The following SYNC variants were observed in gnomAD, a reference collection of about 807,000 sequenced individuals.
The protein encoded by SYNC is syncoilin, intermediate filament protein, also known as syncoilin.
In SYNC, 38 loss-of-function variants were observed where a neutral mutation model predicts 49.5. The observed-to-expected ratio is 0.77, with a 90% CI of 0.59 to 1.01. The LOEUF is 1.01. Ranked by LOEUF, SYNC falls within the 50% of genes least tolerant of loss-of-function variation. The probability of loss-of-function intolerance (pLI) is 0.00; values close to 1 mark genes in which losing one functional copy is unlikely to be tolerated. For synonymous variants in SYNC, 201 were observed against 230.8 expected (o/e 0.87, Z 1.17); for missense variants, 579 against 580.6 (o/e 1.00, Z 0.03).
chr1:32,685,255 A>T (rs990666030), intron 2 of SYNC: 2 of 152,190 alleles, frequency 1.3e-5, no homozygotes, highest in African/African-American at 4.8e-5. Flanking sequence ...TAACTTTCTC[A>T]TTCTTCCAGA....
chr1:32,684,395 G>A lies in SYNC; in HGVS notation c.1234-13C>T. 1 of 1,613,988 alleles carries A rather than the reference G, an allele frequency of 6.2e-7. No individual in the cohort carries two copies. Among genetic ancestry groups the A allele is most frequent in the Non-Finnish European group, 8.5e-7 (1 of 1,179,984 alleles). Reference sequence around the variant, plus strand: ...CCTCCAGCTGTTCCTGCATGAGATGGCCAAGAACATTTCTAATGAGCCAAA... The same window carrying A: ...CCTCCAGCTGTTCCTGCATGAGATGACCAAGAACATTTCTAATGAGCCAAA... On this transcript the variant is annotated splice_polypyrimidine_tract_variant and intron_variant, in intron 2 of 4. Transcript: ENST00000409190.
intron 2 of SYNC, 61 bp from the exon 3 acceptor site, chr1:32,684,443 C>T (rs188459947): frequency 6.2e-7 from 1 of 1,608,028 alleles, no homozygotes; most frequent in East Asian, 2.2e-5. Flanking sequence ...ACATTGTCCA[C>T]TCTTACTTAT....
intron 2 of SYNC, among the ~76,000 whole-genome samples, chr1:32,690,966 C>T (rs745469915): frequency 3.1e-4 from 47 of 152,150 alleles, no homozygotes; most frequent in Admixed American, 1.8e-3. Flanking sequence ...CACCTATAAT[C>T]CCAGTACTTT....
intron 2 of SYNC, among the ~76,000 whole-genome samples, chr1:32,689,939 CAAA>C (rs11320062): frequency 2.4e-4 from 24 of 100,608 alleles, no homozygotes; most frequent in South Asian, 3.2e-4. Context: ...GACACCGTCA[CAAA>C]AAAAAAAAAA....
chr1:32,681,553 T>G lies in SYNC; in HGVS notation c.*297A>C. On this transcript the variant is annotated 3_prime_UTR_variant, in exon 5 of 5. Coordinates refer to ENST00000409190, the MANE Select transcript of SYNC (RefSeq NM_030786.3). Reference sequence around the variant, plus strand: ...ATACATTCATCCTTCACTCAGTGCATATGTGAGGGTTGTTGCTGGAAGACA... The same window carrying G: ...ATACATTCATCCTTCACTCAGTGCAGATGTGAGGGTTGTTGCTGGAAGACA... The G allele has an allele frequency of 3.8e-6, 2 of 532,972 alleles. No individual in the cohort carries two copies. Among genetic ancestry groups the G allele is most frequent in the Non-Finnish European group, 6.7e-6 (2 of 298,032 alleles). The allele number at this position is 532,972 out of a possible 1,614,324, so 33.0% of individuals were successfully genotyped here.
At chr1:32,689,988 A>G (rs1166639394) in intron 2 of SYNC, among the ~76,000 whole-genome samples, 1 of 151,746 alleles carries the variant, frequency 6.6e-6, no homozygotes, top group Non-Finnish European at 1.5e-5. Context: ...TTTAGCAAAC[A>G]GTTTAGGAAG....
At position 32,681,756 on chromosome 1, in the gene SYNC, T is replaced by G. The variant is rs6659926; in HGVS notation, c.*94A>C. 2.9e-3 allele frequency: 4,624 copies of G among 1,607,186 alleles called. 33 individuals are homozygous for G. The highest frequency in any genetic ancestry group is 0.027 in the Middle Eastern group (163 of 6,048). On this transcript the variant is annotated 3_prime_UTR_variant, in exon 5 of 5. Transcript: ENST00000409190. ...TTGCTTGCCAAGTTTCTGGCACTCT[T>G]GTCTGGTTGGAAGAGTACATCCAAA...
chr1:32,684,899 T>C (rs1163576347), intron 2 of SYNC: 1 of 153,490 alleles, frequency 6.5e-6, no homozygotes, highest in Admixed American at 6.5e-5. Context: ...GGAAAAGTTT[T>C]TGTGTCCAAA....
chr1:32,689,180 C>A lies in SYNC; in HGVS notation c.1234-4798G>T, dbSNP rs575291106. 3.3e-3 allele frequency among the ~76,000 whole-genome samples: 482 copies of A among 147,842 alleles called. 3 individuals are homozygous for A. Among genetic ancestry groups the A allele is most frequent in the Non-Finnish European group, 5.2e-3 (351 of 66,934 alleles). ...GGTCTCGATCTTTTGACGTGATCCGCCCGCCTCGGCCTCCCAAAGTGCTGG... is the reference window on the plus strand; with the variant it reads ...GGTCTCGATCTTTTGACGTGATCCGACCGCCTCGGCCTCCCAAAGTGCTGG... On this transcript the variant is annotated intron_variant, in intron 2 of 4. Transcript: ENST00000409190.
At chr1:32,697,753 C>A (rs1034194918) in intron 1 of SYNC, among the ~76,000 whole-genome samples, 5 of 151,550 alleles carry the variant, frequency 3.3e-5, no homozygotes, top group Admixed American at 6.6e-5. Flanking sequence ...ACAAAAAAAA[C>A]CCAGCTTATC....
intron 2 of SYNC, among the ~76,000 whole-genome samples, chr1:32,693,646 T>C (rs1650271296): frequency 6.6e-6 from 1 of 152,162 alleles, no homozygotes; most frequent in African/African-American, 2.4e-5. Flanking sequence ...CAACAATAAG[T>C]AAAATGTATT....
At chr1:32,696,454 G>A (rs563864260) in intron 1 of SYNC, among the ~76,000 whole-genome samples, 1 of 151,156 alleles carries the variant, frequency 6.6e-6, no homozygotes, top group Admixed American at 6.6e-5. Context: ...GCACCACCAC[G>A]CCTTTTTTTT....
chr1:32,696,493 G>A (rs1383374814), intron 1 of SYNC, among the ~76,000 whole-genome samples: 1 of 151,878 alleles, frequency 6.6e-6, no homozygotes, highest in African/African-American at 2.4e-5. Context: ...CTGTTGCCAG[G>A]CTGGAATGCA....
chr1:32,701,730 C>T (rs1650677766), intron 1 of SYNC, among the ~76,000 whole-genome samples: 1 of 152,164 alleles, frequency 6.6e-6, no homozygotes, highest in African/African-American at 2.4e-5. Flanking sequence ...CCCCTGACCT[C>T]GGGCTTCCTT....
Position 32,694,994 on chromosome 1 carries a change from G to T in SYNC, c.1104C>A (p.Ile368=). Residue 368 remains isoleucine (I), a synonymous_variant, in exon 2 of 5, where the codon ATC becomes ATA. Transcript: ENST00000409190. ...GTCTCAGAGCCTCCTTCATTTCCTG[G>T]ATCTCAGCCTGGGTTCTCTGCAGAG... ...TKALQRTQAE[I]QEMKEALRPL... 1 of 1,614,022 alleles carries T rather than the reference G, an allele frequency of 6.2e-7. No individual in the cohort carries two copies. Among genetic ancestry groups the T allele is most frequent in the Non-Finnish European group, 8.5e-7 (1 of 1,180,022 alleles).
chr1:32,681,044 A>G lies in SYNC; in HGVS notation c.*806T>C, dbSNP rs1000033074. ...CAGTATGTTTTTCACTGGGGCCTTT[A>G]CTTAGGTTAGAAATAATAGGCTTTG... On this transcript the variant is annotated 3_prime_UTR_variant, in exon 5 of 5. Coordinates refer to ENST00000409190, the MANE Select transcript of SYNC (RefSeq NM_030786.3). The G allele has an allele frequency of 6.5e-6, 1 of 153,018 alleles. No homozygotes were observed. Among genetic ancestry groups the G allele is most frequent in the Non-Finnish European group, 1.5e-5 (1 of 68,324 alleles). The allele number at this position is 153,018 out of a possible 1,614,324, so 9.5% of individuals were successfully genotyped here.
intron 2 of SYNC, 45 bp downstream of exon 2, chr1:32,694,820 C>T (rs765287056): frequency 6.7e-6 from 10 of 1,500,338 alleles, no homozygotes; most frequent in South Asian, 1.4e-5. Flanking sequence ...CCACTCTTTC[C>T]CCAGGTTAAA....
Position 32,680,404 on chromosome 1 carries a change from G to A in SYNC, c.*1446C>T, listed in dbSNP as rs1206455100. On this transcript the variant is annotated 3_prime_UTR_variant, in exon 5 of 5. Transcript: ENST00000409190. ...CTTGGGACCACCAAGTTGTAAAGAT[G>A]TATGTTTTTACCTGACAGTTATACC... 2.3e-5 allele frequency: 22 copies of A among 974,424 alleles called. No homozygotes were observed. In the African/African-American group the frequency reaches 4.1e-4, roughly 18 times the overall value. The allele number at this position is 974,424 out of a possible 1,614,324, so 60.4% of individuals were successfully genotyped here.
upstream of SYNC, chr1:32,702,849 G>T (rs2148567255): frequency 7.5e-6 from 2 of 267,234 alleles, no homozygotes; most frequent in South Asian, 1.4e-4. This position sits in a 1 kb window ranked among gnomAD's most constrained non-coding sequence, Gnocchi z 6.2. Flanking sequence ...GGACCTGGGG[G>T]CGGGGAGAGG....
Sources: allele counts gnomAD v4.1 joint callset (sites outside exome capture counted in the v4.1 genomes callset), GRCh38; gene constraint gnomAD v4.1.1; non-coding constraint Gnocchi (gnomAD v3.1); transcripts MANE v1.5; gene names NCBI Gene and HGNC (gene_info 2026-07-23, HGNC 2026-07-21).